TMED2: variants seen among roughly 807,000 people sequenced by gnomAD.
TMED2 encodes the protein transmembrane p24 trafficking protein 2, also known as transmembrane emp24 domain-containing protein 2.
In TMED2, 3 loss-of-function variants were observed where a neutral mutation model predicts 17.5. The ratio of observed to expected loss-of-function variants is 0.17; its 90% CI spans 0.08 to 0.44. TMED2 has a LOEUF of 0.44. Ranked by LOEUF, TMED2 falls within the 20% of genes least tolerant of loss-of-function variation. TMED2 has a pLI of 0.99. For missense variants in TMED2, 149 were observed against 254.8 expected (o/e 0.58, Z 2.83); for synonymous variants, 95 against 91.0 (o/e 1.04, Z -0.25).
intron 3 of TMED2, among the ~76,000 whole-genome samples, chr12:123,594,961 G>A (rs1953420356): frequency 6.6e-6 from 1 of 151,946 alleles, no homozygotes; most frequent in Non-Finnish European, 1.5e-5. Flanking sequence ...AGGCGTGGTG[G>A]CTCATGCCTA....
intron 2 of TMED2, among the ~76,000 whole-genome samples, chr12:123,588,792 C>T (rs535138428): frequency 6.6e-6 from 1 of 152,158 alleles, no homozygotes; most frequent in African/African-American, 2.4e-5. Context: ...GATAGCGCCC[C>T]ACAGCATAGA....
rs921811976 is a variant in TMED2 at position 123,597,645 on chromosome 12, T to C, written c.*916T>C. On this transcript the variant is annotated 3_prime_UTR_variant, in exon 4 of 4. Transcript: ENST00000262225. ...GCCTTTGGGCCACTGTTCAGGGTAC[T>C]GACCATCAGTGTCAGCATTAGGGTT... 1 of 152,694 alleles carries C rather than the reference T, an allele frequency of 6.5e-6. No individual in the cohort carries two copies. Among genetic ancestry groups the C allele is most frequent in the African/African-American group, 2.4e-5 (1 of 41,480 alleles). The allele number at this position is 152,694 out of a possible 1,614,324, so 9.5% of individuals were successfully genotyped here. A position where few individuals can be genotyped will look rare whatever the true frequency, so the allele number is the denominator to read the frequency against.
chr12:123,592,323 G>C (rs1953398147), intron 3 of TMED2, among the ~76,000 whole-genome samples: 1 of 152,150 alleles, frequency 6.6e-6, no homozygotes, highest in Non-Finnish European at 1.5e-5. Flanking sequence ...TTCTGGAGTT[G>C]GAAGGGCACT....
chr12:123,590,505 A>G, intron 3 of TMED2, 56 bp downstream of exon 3: 2 of 1,399,090 alleles, frequency 1.4e-6, no homozygotes, highest in Non-Finnish European at 1.9e-6. Flanking sequence ...TGTTTTACTC[A>G]ACAGCTTGCT....
rs142545062 is a variant in TMED2 at position 123,596,277 on chromosome 12, A to G, written c.482-328A>G. Among the ~76,000 whole-genome samples, 216 of 152,338 alleles carry G rather than the reference A, an allele frequency of 1.4e-3. 2 individuals are homozygous for G. Among genetic ancestry groups the G allele is most frequent in the South Asian group, 0.013 (65 of 4,826 alleles). ...CAGTTTAACGTGTATGAGATACACA[A>G]CACTTTATTATAAAATAATCTTTGT... is the stretch of plus-strand genomic sequence containing the variant. On this transcript the variant is annotated intron_variant, in intron 3 of 3. Coordinates refer to ENST00000262225, the MANE Select transcript of TMED2 (RefSeq NM_006815.4).
intron 3 of TMED2, among the ~76,000 whole-genome samples, chr12:123,595,546 T>C (rs1953424998): frequency 6.6e-6 from 1 of 152,160 alleles, no homozygotes; most frequent in Non-Finnish European, 1.5e-5. Flanking sequence ...TTTGGATAAC[T>C]GTGATTTTGA....
chr12:123,586,511 C>T (rs944898591), intron 1 of TMED2: 4 of 259,564 alleles, frequency 1.5e-5, no homozygotes, highest in African/African-American at 2.2e-5. Flanking sequence ...CCACCATGCC[C>T]GGCTAATTTC....
intron 1 of TMED2, chr12:123,585,043 C>G (rs898221110): frequency 8.9e-5 from 48 of 541,470 alleles, no homozygotes; most frequent in Non-Finnish European, 1.4e-4. Context: ...GGGGCTCCTT[C>G]GGCATGCTTG....
intron 1 of TMED2, 72 bp from the exon 2 acceptor site, chr12:123,586,675 C>A: frequency 7.0e-7 from 1 of 1,423,958 alleles, no homozygotes; most frequent in Non-Finnish European, 9.4e-7. Context: ...TTCTTACTGC[C>A]ATTAGACATT....
intron 1 of TMED2, 197 bp downstream of exon 1, chr12:123,585,013 C>G (rs539906976): frequency 1.1e-5 from 7 of 656,950 alleles, no homozygotes; most frequent in Admixed American, 3.0e-5. Flanking sequence ...CGCGACTTGC[C>G]TGGGTTCCGG....
At chr12:123,587,045 A>T in intron 2 of TMED2, 106 bp downstream of exon 2, 1 of 1,092,960 alleles carries the variant, frequency 9.1e-7, no homozygotes, top group Non-Finnish European at 1.2e-6. Context: ...AAATTTCTTA[A>T]CCAAAACCTT....
At chr12:123,590,955 CCT>C (rs1953388004) in intron 3 of TMED2, among the ~76,000 whole-genome samples, 1 of 151,072 alleles carries the variant, frequency 6.6e-6, no homozygotes, top group African/African-American at 2.4e-5. Context: ...TGCACTCCAG[CCT>C]GGGCAATGGA....
At chr12:123,586,968 C>G in intron 2 of TMED2, 29 bp downstream of exon 2, 1 of 1,543,550 alleles carries the variant, frequency 6.5e-7, no homozygotes, top group South Asian at 1.2e-5. Context: ...AGATTTACAT[C>G]ACATTCCAAG....
rs1953421145 is a variant in TMED2, at chr12:123,595,066, TA to T, written c.482-1534del. ...CAACATGGTGAAGCCCTATCTCTAC[TA>T]AAAATACAAAAATTAGCCAGGCATG... On this transcript the variant is annotated intron_variant, in intron 3 of 3. Transcript: ENST00000262225. 1.1e-4 allele frequency among the ~76,000 whole-genome samples: 16 copies of T among 151,856 alleles called. No individual in the cohort carries two copies. In the South Asian group the frequency reaches 3.3e-3, roughly 32 times the overall value.
chr12:123,590,552 G>C lies in TMED2; in HGVS notation c.481+103G>C, dbSNP rs578136318. ...CATTTGGAAACTTTGCAAATTTTAT[G>C]TGAAAGCATTGACTTTAAAAGTGTA... On this transcript the variant is annotated intron_variant, in intron 3 of 3. Coordinates refer to ENST00000262225, the MANE Select transcript of TMED2 (RefSeq NM_006815.4). 3.4e-6 allele frequency: 3 copies of C among 882,090 alleles called. No individual in the cohort carries two copies. In the East Asian group the frequency reaches 9.1e-5, roughly 27 times the overall value. 54.6% of individuals were successfully genotyped at this position (882,090 alleles called of 1,614,324 possible).
rs1308822675 is a variant in TMED2, at chr12:123,596,919, T to C, written c.*190T>C. The C allele has an allele frequency of 1.8e-6, 1 of 563,580 alleles. No individual in the cohort carries two copies. The highest frequency in any genetic ancestry group is 2.7e-6 in the Non-Finnish European group (1 of 376,388). The allele number at this position is 563,580 out of a possible 1,614,324, so 34.9% of individuals were successfully genotyped here. A position where few individuals can be genotyped will look rare whatever the true frequency, so the allele number is the denominator to read the frequency against. On this transcript the variant is annotated 3_prime_UTR_variant, in exon 4 of 4. Coordinates refer to ENST00000262225, the MANE Select transcript of TMED2 (RefSeq NM_006815.4). ...ATTATAGTGAAAATTTGACAGTTGA[T>C]TGGCATAATTTCTTGTTTGAATGCT...
chr12:123,586,879 A>T lies in TMED2; in HGVS notation c.313A>T (p.Ile105Leu). ...CCGGATGTCCACCATGACTCCAAAA[A>T]TAGTGATGTTCACCATTGATATTGG... ...SNRMSTMTPK[I>L]VMFTIDIGEA... The change falls in exon 2 of 4, where the codon ATA becomes TTA. Residue 105 changes from isoleucine to leucine, a missense_variant. Transcript: ENST00000262225. The T allele has an allele frequency of 1.2e-6, 2 of 1,613,934 alleles. No individual in the cohort carries two copies. Among genetic ancestry groups the T allele is most frequent in the Non-Finnish European group, 1.7e-6 (2 of 1,179,948 alleles).
intron 3 of TMED2, among the ~76,000 whole-genome samples, chr12:123,592,753 T>C (rs770473133): frequency 6.6e-6 from 1 of 152,224 alleles, no homozygotes; most frequent in African/African-American, 2.4e-5. Context: ...ATGAGGACAG[T>C]GTCCCAGGTC....
Position 123,586,815 on chromosome 12 carries a change from T to C in TMED2, c.249T>C (p.Ala83=), listed in dbSNP as rs1165206501. ...DRESSGKYTF[A]AHMDGTYKFC... ...AATCCAGTGGGAAATACACATTTGCTGCTCACATGGATGGAACATACAAAT... is the reference window on the plus strand; with the variant it reads ...AATCCAGTGGGAAATACACATTTGCCGCTCACATGGATGGAACATACAAAT... Residue 83 remains alanine, a synonymous_variant, in exon 2 of 4, where the codon GCT becomes GCC. Transcript: ENST00000262225. The C allele has an allele frequency of 7.4e-6, 12 of 1,613,312 alleles. No individual in the cohort carries two copies. Among genetic ancestry groups the C allele is most frequent in the East Asian group, 6.7e-5 (3 of 44,862 alleles).
Sources: allele counts gnomAD v4.1 joint callset (sites outside exome capture counted in the v4.1 genomes callset), GRCh38; gene constraint gnomAD v4.1.1; transcripts MANE v1.5; gene names NCBI Gene and HGNC (gene_info 2026-07-23, HGNC 2026-07-21).